Variants in GRIP1 observed in about 807,000 individuals in gnomAD.
GRIP1 encodes glutamate receptor interacting protein 1, also known as glutamate receptor-interacting protein 1.
A neutral mutation model predicts 129.9 loss-of-function variants in GRIP1; 45 were observed. The observed-to-expected ratio is 0.35, with a 90% CI of 0.27 to 0.44. GRIP1 has a LOEUF of 0.44. Ranked by LOEUF, GRIP1 falls within the 20% of genes least tolerant of loss-of-function variation. The pLI, the probability that GRIP1 is intolerant of heterozygous loss-of-function variation, is 1.00. For missense variants in GRIP1, 1,196 were observed against 1,396.8 expected, an observed-to-expected ratio of 0.86 and a Z score of 2.29; for synonymous variants, 530 against 520.8, an observed-to-expected ratio of 1.02 and a Z score of -0.24.
At chr12:66,694,871 C>G (rs1422963548) in intron 1 of GRIP1, among the ~76,000 whole-genome samples, 1 of 152,024 alleles carries the variant, frequency 6.6e-6, no homozygotes, top group Non-Finnish European at 1.5e-5. Context: ...CAGGAAATAC[C>G]CAGAGCCTAA....
chr12:66,440,352 T>C (rs1458788842), intron 13 of GRIP1, among the ~76,000 whole-genome samples: 1 of 152,156 alleles, frequency 6.6e-6, no homozygotes, highest in Non-Finnish European at 1.5e-5. Flanking sequence ...AAATGTATGA[T>C]TAAATTATTT....
intron 1 of GRIP1, among the ~76,000 whole-genome samples, chr12:66,979,751 T>C (rs908919491): frequency 2.6e-5 from 4 of 151,810 alleles, no homozygotes; most frequent in Middle Eastern, 3.2e-3. Context: ...AAAAGGAAAA[T>C]GACATACGAA....
intron 1 of GRIP1, among the ~76,000 whole-genome samples, chr12:66,605,833 A>G (rs1201648656): frequency 6.6e-6 from 1 of 152,208 alleles, no homozygotes; most frequent in Non-Finnish European, 1.5e-5. Context: ...AATGGAAATA[A>G]AAGTATTATC....
At chr12:67,025,476 A>G (rs1212732311) in intron 1 of GRIP1, among the ~76,000 whole-genome samples, 3 of 152,228 alleles carry the variant, frequency 2.0e-5, no homozygotes, top group Non-Finnish European at 2.9e-5. Context: ...TAAATTCTCT[A>G]TTTGAATTTA....
chr12:66,858,399 T>C (rs904042867), intron 1 of GRIP1, among the ~76,000 whole-genome samples: 5 of 151,970 alleles, frequency 3.3e-5, no homozygotes, highest in African/African-American at 1.2e-4. Flanking sequence ...ATCTATTGTA[T>C]GATATATCCT....
chr12:66,542,849 T>C (rs1278461470), intron 2 of GRIP1, among the ~76,000 whole-genome samples: 1 of 152,204 alleles, frequency 6.6e-6, no homozygotes, highest in African/African-American at 2.4e-5. Context: ...TTGTCCAATT[T>C]TCCAACTTCT....
intron 2 of GRIP1, among the ~76,000 whole-genome samples, chr12:66,589,262 CTAGGT>C (rs2063765145): frequency 6.8e-6 from 1 of 146,966 alleles, no homozygotes; most frequent in African/African-American, 2.5e-5. Flanking sequence ...TACTCTCGCT[CTAGGT>C]TAGGTTACTC....
intron 16 of GRIP1, among the ~76,000 whole-genome samples, chr12:66,404,217 G>T (rs1219107971): frequency 6.6e-6 from 1 of 152,082 alleles, no homozygotes; most frequent in African/African-American, 2.4e-5. Flanking sequence ...AAATATATTT[G>T]GATATAATCA....
chr12:66,453,489 G>T (rs2058867170), intron 11 of GRIP1, among the ~76,000 whole-genome samples: 1 of 152,148 alleles, frequency 6.6e-6, no homozygotes. Context: ...ATGCCAAAAT[G>T]TACCCCTCGT....
chr12:66,753,878 T>A (rs536870210), intron 1 of GRIP1, among the ~76,000 whole-genome samples: 1 of 152,364 alleles, frequency 6.6e-6, no homozygotes, highest in African/African-American at 2.4e-5. Context: ...AGCTTATATA[T>A]GAGTTTGATT....
At chr12:66,530,447 T>TA (rs1423313772) in intron 4 of GRIP1, among the ~76,000 whole-genome samples, 4 of 152,180 alleles carry the variant, frequency 2.6e-5, no homozygotes, top group African/African-American at 9.6e-5. Flanking sequence ...AGATGAAACT[T>TA]AGAGGGCAAA....
At chr12:66,404,362 A>G (rs903778323) in intron 16 of GRIP1, among the ~76,000 whole-genome samples, 1 of 152,222 alleles carries the variant, frequency 6.6e-6, no homozygotes, top group Non-Finnish European at 1.5e-5. Flanking sequence ...GAACATTGCC[A>G]CAACTTCATT....
At chr12:66,873,884 C>T (rs371977593) in intron 1 of GRIP1, among the ~76,000 whole-genome samples, 4 of 152,182 alleles carry the variant, frequency 2.6e-5, no homozygotes, top group African/African-American at 7.2e-5. Context: ...CTGAGCAGAT[C>T]GTTGCAGCTG....
chr12:66,979,239 A>AAAAAC (rs1289049357), intron 1 of GRIP1, among the ~76,000 whole-genome samples: 11 of 145,724 alleles, frequency 7.5e-5, no homozygotes, highest in Non-Finnish European at 1.4e-4. Flanking sequence ...AAAAAAAAAA[A>AAAAAC]AAAAAAAAAA....
At chr12:67,008,272 TA>T (rs1229778020) in intron 1 of GRIP1, among the ~76,000 whole-genome samples, 2 of 152,024 alleles carry the variant, frequency 1.3e-5, no homozygotes, top group African/African-American at 4.8e-5. Flanking sequence ...AAAATGAAAT[TA>T]AAAACTGAAA....
intron 1 of GRIP1, among the ~76,000 whole-genome samples, chr12:66,943,008 A>T (rs2041611531): frequency 6.6e-6 from 1 of 152,116 alleles, no homozygotes. Flanking sequence ...AACTGTTGAG[A>T]GTTAAATATT....
At chr12:66,805,987 T>C (rs1317163220), upstream of GRIP1, among the ~76,000 whole-genome samples, 4 of 151,326 alleles carry the variant, frequency 2.6e-5, no homozygotes, top group Non-Finnish European at 4.4e-5. Context: ...TCTTTTTTTT[T>C]TTTTTGGTTT....
chr12:67,034,260 A>G (rs1240030732), intron 1 of GRIP1, among the ~76,000 whole-genome samples: 7 of 152,210 alleles, frequency 4.6e-5, no homozygotes, highest in African/African-American at 2.4e-5. Context: ...TTAGAGTCAT[A>G]GCCTGCTTCC....
chr12:66,478,210 G>A (rs1232371868), intron 7 of GRIP1, among the ~76,000 whole-genome samples: 4 of 152,126 alleles, frequency 2.6e-5, no homozygotes, highest in Non-Finnish European at 4.4e-5. Context: ...ATCAAAAAGT[G>A]GGCTAAGGAT....
Sources: gnomAD v4.1 joint callset for allele counts (sites outside exome capture counted in the v4.1 genomes callset) on GRCh38, gnomAD v4.1.1 for gene constraint, MANE v1.5 for transcripts, NCBI Gene and HGNC (gene_info 2026-07-23, HGNC 2026-07-21) for gene names.